AKR1C8: variants seen among roughly 807,000 people sequenced by gnomAD.
AKR1C8 encodes aldo-keto reductase family 1 member C-like protein 1.
the AKR1C8 span, chr10:5,154,262 C>A: frequency 2.2e-6 from 1 of 461,832 alleles, no homozygotes; most frequent in Non-Finnish European, 4.5e-6. Flanking sequence ...TTGGGATGGG[C>A]TAAAATTCCC....
chr10:5,144,795 A>G, the AKR1C8 span, among the ~76,000 whole-genome samples: 15 of 152,222 alleles, frequency 9.9e-5, no homozygotes, highest in South Asian at 6.2e-4. Context: ...TTTTCTAGAT[A>G]TACAATCATG....
At chr10:5,123,726 T>G in the AKR1C8 span, 2 of 1,611,920 alleles carry the variant, frequency 1.2e-6, no homozygotes, top group Non-Finnish European at 1.7e-6. Context: ...TTCATGTCGT[T>G]GGGTTCCCAG....
At chr10:5,168,526 TG>T in the AKR1C8 span, among the ~76,000 whole-genome samples, 1 of 152,106 alleles carries the variant, frequency 6.6e-6, no homozygotes, top group Non-Finnish European at 1.5e-5. Flanking sequence ...GAGGGAGACC[TG>T]GGCAAGTTAT....
the AKR1C8 span, among the ~76,000 whole-genome samples, chr10:5,149,218 A>C: frequency 6.6e-6 from 1 of 152,144 alleles, no homozygotes; most frequent in Non-Finnish European, 1.5e-5. Flanking sequence ...GCAATGGACA[A>C]GTGTAGACTC....
chr10:5,137,875 G>A, the AKR1C8 span, among the ~76,000 whole-genome samples: 3 of 152,050 alleles, frequency 2.0e-5, no homozygotes, highest in African/African-American at 7.2e-5. Context: ...AAAAGGGGAG[G>A]GGGTGTAAGA....
At chr10:5,158,465 C>A in the AKR1C8 span, 1 of 364,120 alleles carries the variant, frequency 2.7e-6, no homozygotes, top group Non-Finnish European at 5.5e-6. Flanking sequence ...TACATGGGAA[C>A]AAACTACACC....
the AKR1C8 span, among the ~76,000 whole-genome samples, chr10:5,152,033 G>A: frequency 3.4e-4 from 51 of 152,198 alleles, 1 homozygote; most frequent in South Asian, 9.5e-3. Context: ...CATGACAAAG[G>A]CATTATTATT....
the AKR1C8 span, among the ~76,000 whole-genome samples, chr10:5,129,471 A>G: frequency 7.6e-4 from 115 of 152,180 alleles, 1 homozygote; most frequent in African/African-American, 2.6e-3. Context: ...CAAAAGATCA[A>G]TGAAAGATAA....
chr10:5,141,324 T>A, the AKR1C8 span, among the ~76,000 whole-genome samples: 162 of 152,268 alleles, frequency 1.1e-3, 1 homozygote, highest in African/African-American at 3.7e-3. Context: ...TTCCATTACA[T>A]CTGCAGTTAC....
chr10:5,157,663 G>T, the AKR1C8 span: 1 of 472,602 alleles, frequency 2.1e-6, no homozygotes, highest in South Asian at 1.5e-5. Flanking sequence ...TCTCTCCTGA[G>T]AGAAGCTCTT....
chr10:5,143,332 C>A, the AKR1C8 span, among the ~76,000 whole-genome samples: 6 of 152,074 alleles, frequency 3.9e-5, no homozygotes, highest in Non-Finnish European at 8.8e-5. Context: ...GCCTTCTACC[C>A]CTGGACGTCA....
the AKR1C8 span, chr10:5,132,473 A>G: frequency 2.4e-6 from 2 of 835,152 alleles, no homozygotes; most frequent in Non-Finnish European, 3.3e-6. Flanking sequence ...GTTTTAATAC[A>G]TGAATATGTG....
chr10:5,145,546 C>A, the AKR1C8 span, among the ~76,000 whole-genome samples: 5 of 152,126 alleles, frequency 3.3e-5, no homozygotes, highest in African/African-American at 1.2e-4. Context: ...AGGACATGAA[C>A]AGACATTTCT....
the AKR1C8 span, among the ~76,000 whole-genome samples, chr10:5,166,198 A>C: frequency 0.031 from 4,764 of 152,188 alleles, 254 homozygotes; most frequent in African/African-American, 0.11. Context: ...GAAGAAAAAA[A>C]ATGGCCATAC....
the AKR1C8 span, chr10:5,132,766 G>A: frequency 8.2e-6 from 11 of 1,340,952 alleles, no homozygotes; most frequent in Non-Finnish European, 1.1e-5. Flanking sequence ...CTATTCCTAG[G>A]AACCCGGAGG....
At chr10:5,148,648 T>C in the AKR1C8 span, among the ~76,000 whole-genome samples, 5 of 152,008 alleles carry the variant, frequency 3.3e-5, no homozygotes, top group African/African-American at 1.2e-4. Flanking sequence ...AACAAAGCAG[T>C]AGGGAAAAAA....
the AKR1C8 span, among the ~76,000 whole-genome samples, chr10:5,146,136 G>A: frequency 6.8e-6 from 1 of 146,174 alleles, no homozygotes; most frequent in Non-Finnish European, 1.5e-5. Flanking sequence ...CTCATAGGTG[G>A]GAATTGAACA....
At chr10:5,178,594 G>T in the AKR1C8 span, among the ~76,000 whole-genome samples, 1 of 152,082 alleles carries the variant, frequency 6.6e-6, no homozygotes, top group African/African-American at 2.4e-5. Context: ...AAAGTCTCCC[G>T]TTATTATTGT....
the AKR1C8 span, among the ~76,000 whole-genome samples, chr10:5,118,294 A>G: frequency 7.5e-6 from 1 of 133,180 alleles, no homozygotes; most frequent in Admixed American, 7.4e-5. Flanking sequence ...CAAAGCAGAC[A>G]TTAAACTTAA....
Sources: allele counts gnomAD v4.1 joint callset (sites outside exome capture counted in the v4.1 genomes callset), GRCh38; gene constraint gnomAD v4.1.1; transcripts MANE v1.5; gene names NCBI Gene and HGNC (gene_info 2026-07-23, HGNC 2026-07-21).